The following SLC2A9 variants were observed in gnomAD, a reference collection of about 807,000 sequenced individuals.
SLC2A9 encodes solute carrier family 2, facilitated glucose transporter member 9.
In SLC2A9, 39 loss-of-function variants were observed where a neutral mutation model predicts 50.6. The observed-to-expected ratio is 0.77, with a 90% CI of 0.60 to 1.01. The LOEUF is 1.01. Ranked by LOEUF, SLC2A9 falls within the 50% of genes least tolerant of loss-of-function variation. The pLI is 0.00. For missense variants in SLC2A9, 686 were observed against 677.6 expected (o/e 1.01, Z -0.14); for synonymous variants, 324 against 276.9 (o/e 1.17, Z -1.69).
chr4:10,013,245 G>T (rs752010711), intron 2 of SLC2A9, among the ~76,000 whole-genome samples: 2 of 152,196 alleles, frequency 1.3e-5, no homozygotes, highest in Non-Finnish European at 2.9e-5. Flanking sequence ...CATAACCAGG[G>T]ATGCTGCCAT....
chr4:9,815,222 T>G (rs1426490591), intron 3 of SLC2A9, among the ~76,000 whole-genome samples: 1 of 152,206 alleles, frequency 6.6e-6, no homozygotes, highest in African/African-American at 2.4e-5. Flanking sequence ...GCAAAGCTGC[T>G]GTGACTAGAG....
At chr4:9,955,549 G>C in intron 5 of SLC2A9, among the ~76,000 whole-genome samples, 1 of 150,488 alleles carries the variant, frequency 6.6e-6, no homozygotes. Flanking sequence ...CCGTGCACTT[G>C]ATCTCTCAAG....
chr4:9,923,358 CTGTTTGTGTAAGTTCATACT>C (rs1452924131), intron 6 of SLC2A9, among the ~76,000 whole-genome samples: 2 of 152,176 alleles, frequency 1.3e-5, no homozygotes, highest in Non-Finnish European at 2.9e-5. Flanking sequence ...GTTATATAAC[CTGTTTGTGTAAGTTCATACT>C]TGGCTTGGAG....
intron 10 of SLC2A9, chr4:9,879,138 C>T (rs938706244): frequency 1.2e-5 from 12 of 978,564 alleles, no homozygotes; most frequent in Non-Finnish European, 1.5e-5. Flanking sequence ...GGAGGACTGA[C>T]CAACCATGGC....
intron 11 of SLC2A9, among the ~76,000 whole-genome samples, chr4:9,829,808 A>G (rs1725769606): frequency 1.3e-5 from 2 of 152,254 alleles, no homozygotes; most frequent in Non-Finnish European, 2.9e-5. Context: ...CAAAACCACA[A>G]TGAGATACCA....
intron 8 of SLC2A9, 94 bp downstream of exon 8, chr4:9,908,141 G>C (rs1741027208): frequency 1.2e-6 from 1 of 863,008 alleles, no homozygotes; most frequent in Non-Finnish European, 2.0e-6. Flanking sequence ...AATTCTGATG[G>C]GGAAAGCCTG....
chr4:9,917,855 ATAGCC>A (rs970409587), intron 7 of SLC2A9, among the ~76,000 whole-genome samples: 1 of 152,152 alleles, frequency 6.6e-6, no homozygotes, highest in African/African-American at 2.4e-5. Context: ...AGGCTGCTGA[ATAGCC>A]TAGGCACACA....
chr4:9,835,012 C>T lies in SLC2A9; in HGVS notation c.1292-4G>A. ...GTCAAGATGAACGGGATGCCACCTGCAGTGTGTGAGCCAGGACATGGAATT... is the reference window on the plus strand; with the variant it reads ...GTCAAGATGAACGGGATGCCACCTGTAGTGTGTGAGCCAGGACATGGAATT... On this transcript the variant is annotated splice_polypyrimidine_tract_variant and splice_region_variant and intron_variant, in intron 10 of 11. Transcript: ENST00000264784. The T allele has an allele frequency of 6.2e-7, 1 of 1,613,144 alleles. No individual in the cohort carries two copies. The highest frequency in any genetic ancestry group is 8.5e-7 in the Non-Finnish European group (1 of 1,179,936).
chr4:10,033,432 C>T (rs1336281071), intron 1 of SLC2A9, among the ~76,000 whole-genome samples: 2 of 152,166 alleles, frequency 1.3e-5, no homozygotes, highest in Admixed American at 6.5e-5. Flanking sequence ...ACACTCAACC[C>T]TCAAAACTTA....
chr4:9,958,813 A>G (rs1751746030), intron 5 of SLC2A9, among the ~76,000 whole-genome samples: 1 of 152,186 alleles, frequency 6.6e-6, no homozygotes, highest in Non-Finnish European at 1.5e-5. Context: ...TACAAAAATA[A>G]AGTGGTAGAA....
chr4:9,861,501 A>G (rs1415519315), intron 10 of SLC2A9, among the ~76,000 whole-genome samples: 5 of 152,160 alleles, frequency 3.3e-5, no homozygotes, highest in Non-Finnish European at 7.3e-5. Flanking sequence ...TCCAAACCAT[A>G]TAATTACATT....
At chr4:9,911,245 AG>A (rs1741723993) in intron 7 of SLC2A9, among the ~76,000 whole-genome samples, 1 of 152,110 alleles carries the variant, frequency 6.6e-6, no homozygotes. Flanking sequence ...CCCGCTGCCC[AG>A]GGGCTACAGG....
chr4:9,867,104 G>C (rs1382424277), intron 10 of SLC2A9, among the ~76,000 whole-genome samples: 1 of 152,204 alleles, frequency 6.6e-6, no homozygotes, highest in East Asian at 1.9e-4. Flanking sequence ...GCGTGTGAAT[G>C]CAATGGGCAC....
chr4:10,016,795 T>TA (rs1762685387), intron 2 of SLC2A9, among the ~76,000 whole-genome samples: 1 of 151,936 alleles, frequency 6.6e-6, no homozygotes, highest in Non-Finnish European at 1.5e-5. Flanking sequence ...AAATTTTAAT[T>TA]AAAAAAATGT....
chr4:9,837,425 T>C (rs1727279899), intron 10 of SLC2A9, among the ~76,000 whole-genome samples: 1 of 152,188 alleles, frequency 6.6e-6, no homozygotes, highest in Non-Finnish European at 1.5e-5. Context: ...TTCACAGCAA[T>C]TCTGAAGCCT....
chr4:10,021,941 C>A (rs959712882), upstream of SLC2A9, among the ~76,000 whole-genome samples: 1 of 151,800 alleles, frequency 6.6e-6, no homozygotes, highest in African/African-American at 2.4e-5. Flanking sequence ...TGGGTTCAAG[C>A]AATTCTCCTG....
Position 9,942,703 on chromosome 4 carries a change from C to A in SLC2A9, c.682-658G>T, listed in dbSNP as rs74874328. Among the ~76,000 whole-genome samples the A allele has an allele frequency of 2.6e-3, 392 of 152,340 alleles. 3 individuals carry two copies. Among genetic ancestry groups the A allele is most frequent in the African/African-American group, 9.1e-3 (379 of 41,576 alleles). On this transcript the variant is annotated intron_variant, in intron 5 of 11. Transcript: ENST00000264784. ...AGTGATGCACTCCAAGCAGTGACAT[C>A]CCCTGCAGTGCAGCTTAAATGAAGC...
intron 7 of SLC2A9, among the ~76,000 whole-genome samples, chr4:9,909,930 C>T (rs1288357408): frequency 6.6e-6 from 1 of 152,184 alleles, no homozygotes; most frequent in African/African-American, 2.4e-5. Context: ...GCATTTTGCT[C>T]TTTGTTTCTG....
chr4:10,029,914 G>A (rs1763884374), intron 1 of SLC2A9, among the ~76,000 whole-genome samples: 1 of 152,164 alleles, frequency 6.6e-6, no homozygotes, highest in Admixed American at 6.6e-5. Context: ...GGGATTACAG[G>A]TGTGAGCCAC....
Sources: gnomAD v4.1 joint callset for allele counts (sites outside exome capture counted in the v4.1 genomes callset) on GRCh38, gnomAD v4.1.1 for gene constraint, MANE v1.5 for transcripts, NCBI Gene and HGNC (gene_info 2026-07-23, HGNC 2026-07-21) for gene names.